The following ZNF423 variants were observed in gnomAD, a reference collection of about 807,000 sequenced individuals.
The protein encoded by ZNF423 is zinc finger protein 423, also known as Ebf-associated zinc finger protein.
In ZNF423, 12 loss-of-function variants were observed where a neutral mutation model predicts 95.8. That is an observed-to-expected ratio of 0.13 (90% CI 0.08 to 0.20). The LOEUF is 0.20. Ranked by LOEUF, ZNF423 falls within the 10% of genes least tolerant of loss-of-function variation. ZNF423 has a pLI of 1.00. For missense variants in ZNF423, 1,316 were observed against 1,737.1 expected, an observed-to-expected ratio of 0.76 and a Z score of 4.31; for synonymous variants, 749 against 711.9, an observed-to-expected ratio of 1.05 and a Z score of -0.83.
chr16:49,738,282 G>A (rs1405017208), intron 2 of ZNF423, among the ~76,000 whole-genome samples: 1 of 152,216 alleles, frequency 6.6e-6, no homozygotes, highest in Non-Finnish European at 1.5e-5. Context: ...GCAAATGAGT[G>A]ATTAGATGAA....
intron 3 of ZNF423, among the ~76,000 whole-genome samples, chr16:49,706,478 C>G (rs1379860575): frequency 6.6e-6 from 1 of 152,226 alleles, no homozygotes; most frequent in Admixed American, 6.5e-5. Flanking sequence ...TTGTGGGGAC[C>G]AGGGCATGCT....
At chr16:49,779,613 G>T (rs2034175767) in intron 2 of ZNF423, among the ~76,000 whole-genome samples, 1 of 152,094 alleles carries the variant, frequency 6.6e-6, no homozygotes, top group Non-Finnish European at 1.5e-5. Flanking sequence ...TCCCCCAAAT[G>T]CATGAGGAGT....
In ZNF423 at chr16:49,637,408, T is replaced by C. The variant is rs889853204; in HGVS notation, c.1768A>G (p.Lys590Glu). ...PIFGSILKLT[K>E]HIKENHKNIP... ...TTCTTGTGGTTCTCCTTGATGTGCT[T>C]GGTGAGTTTCAGGATGGAGCCAAAG... The change falls in exon 4 of 8, where the codon AAG (lysine) becomes GAG (glutamate). Residue 590 changes from lysine (K) to glutamate (E), a missense_variant. Transcript: ENST00000563137. This position sits in a 1 kb window ranked among gnomAD's most constrained non-coding sequence, Gnocchi z 5.6. 1 of 1,614,096 alleles carries C rather than the reference T, an allele frequency of 6.2e-7. No homozygotes were observed. The highest frequency in any genetic ancestry group is 1.3e-5 in the African/African-American group (1 of 75,026).
At chr16:49,744,490 C>G (rs1265236386) in intron 2 of ZNF423, among the ~76,000 whole-genome samples, 1 of 151,792 alleles carries the variant, frequency 6.6e-6, no homozygotes, top group Non-Finnish European at 1.5e-5. Flanking sequence ...CCAGCACACA[C>G]GAGGCCAGGC....
At chr16:49,765,803 A>G (rs1051149436) in intron 2 of ZNF423, among the ~76,000 whole-genome samples, 1 of 152,196 alleles carries the variant, frequency 6.6e-6, no homozygotes, top group African/African-American at 2.4e-5. Context: ...ACATTATGCT[A>G]AGGGAAACAA....
chr16:49,635,677 T>C lies in ZNF423; in HGVS notation c.3499A>G (p.Thr1167Ala). ...ETSGPRKGTQ[T>A]SPVPRKKTYQ... Reference sequence around the variant, plus strand: ...GCACTTACCCGGGGCACTGGCGATGTCTGGGTGCCTTTCCGGGGCCCACTG... The same window carrying C: ...GCACTTACCCGGGGCACTGGCGATGCCTGGGTGCCTTTCCGGGGCCCACTG... Residue 1167 changes from threonine to alanine, a missense_variant, in exon 4 of 8, where the codon ACA becomes GCA. Thr to Ala is a moderately conservative substitution (Grantham distance 58). Coordinates refer to ENST00000563137, the MANE Select transcript of ZNF423 (RefSeq NM_001379286.1). The surrounding 1 kb of genome is among the most constrained non-coding windows in gnomAD (Gnocchi z 4.8). 1 of 1,581,172 alleles carries C rather than the reference T, an allele frequency of 6.3e-7. No individual in the cohort carries two copies. Among genetic ancestry groups the C allele is most frequent in the Non-Finnish European group, 8.6e-7 (1 of 1,165,768 alleles).
intron 7 of ZNF423, chr16:49,518,405 A>C (rs1968242933): frequency 2.3e-6 from 1 of 434,762 alleles, no homozygotes; most frequent in African/African-American, 2.0e-5. Context: ...TTTGTCATTT[A>C]GAAAATTCAC....
At chr16:49,687,204 C>T (rs2031598183) in intron 3 of ZNF423, among the ~76,000 whole-genome samples, 2 of 152,058 alleles carry the variant, frequency 1.3e-5, no homozygotes, top group African/African-American at 4.8e-5. Context: ...CCAAGAGACC[C>T]CTGGCTGGGT....
At chr16:49,858,728 CA>C (rs779402691), upstream of ZNF423, among the ~76,000 whole-genome samples, 26,469 of 139,452 alleles carry the variant, frequency 0.19, 2,913 homozygotes, top group Non-Finnish European at 0.24. The surrounding 1 kb of genome is among the most constrained non-coding windows in gnomAD (Gnocchi z 4.3). Flanking sequence ...CCCCCCCCCC[CA>C]CGCCCCCGCG....
chr16:49,833,324 C>T (rs574746479), intron 1 of ZNF423, among the ~76,000 whole-genome samples: 2 of 152,342 alleles, frequency 1.3e-5, no homozygotes, highest in African/African-American at 2.4e-5. Context: ...CAAAGGCCTA[C>T]GCATGCGCCC....
intron 7 of ZNF423, among the ~76,000 whole-genome samples, chr16:49,513,717 C>T (rs1210728142): frequency 6.6e-6 from 1 of 152,004 alleles, no homozygotes; most frequent in Non-Finnish European, 1.5e-5. Flanking sequence ...CAAAAACTCA[C>T]GTCAGAGTGG....
intron 3 of ZNF423, among the ~76,000 whole-genome samples, chr16:49,659,474 T>G (rs2030082173): frequency 6.6e-6 from 1 of 152,220 alleles, no homozygotes; most frequent in Non-Finnish European, 1.5e-5. Flanking sequence ...ATTGTACACA[T>G]CGGGATACTG....
rs562758689 is a variant in ZNF423 at position 49,790,001 on chromosome 16, T to TC, written c.41-456dup. 2.8e-3 allele frequency among the ~76,000 whole-genome samples: 416 copies of TC among 151,230 alleles called. 3 individuals carry two copies. Among genetic ancestry groups the TC allele is most frequent in the African/African-American group, 8.8e-3 (363 of 41,178 alleles). On this transcript the variant is annotated intron_variant, in intron 1 of 7. Transcript: ENST00000563137. ...TGACAACATCAGAAGGCAACCAGCCTCCCCCCCATTCCACCCAGGACCCCA... is the reference window on the plus strand; with the variant it reads ...TGACAACATCAGAAGGCAACCAGCCTCCCCCCCCATTCCACCCAGGACCCCA...
intron 2 of ZNF423, among the ~76,000 whole-genome samples, chr16:49,772,135 G>A (rs1302040377): frequency 1.3e-5 from 2 of 152,182 alleles, no homozygotes; most frequent in East Asian, 1.9e-4. Context: ...AAATCCCAAG[G>A]CCTGAAACCC....
In ZNF423 at chr16:49,615,719, T is replaced by C. The variant is rs112585097; in HGVS notation, c.3601+10451A>G. Among the ~76,000 whole-genome samples, 753 of 152,200 alleles carry C rather than the reference T, an allele frequency of 4.9e-3. 4 individuals are homozygous for C. Among genetic ancestry groups the C allele is most frequent in the African/African-American group, 0.017 (692 of 41,538 alleles). On this transcript the variant is annotated intron_variant, in intron 5 of 7. Coordinates refer to ENST00000563137, the MANE Select transcript of ZNF423 (RefSeq NM_001379286.1). ...TGGCAGCCTGACCAAGGGGCTCCTC[T>C]AGGCACCAGGAGCATCACCCAGTTA...
intron 3 of ZNF423, among the ~76,000 whole-genome samples, chr16:49,682,033 T>C (rs2031379693): frequency 6.7e-6 from 1 of 148,530 alleles, no homozygotes; most frequent in African/African-American, 2.5e-5. Flanking sequence ...CCCCTCATCC[T>C]TCCTCCATTC....
intron 3 of ZNF423, among the ~76,000 whole-genome samples, chr16:49,687,080 C>T (rs990200682): frequency 1.3e-5 from 2 of 152,016 alleles, no homozygotes; most frequent in African/African-American, 4.8e-5. Flanking sequence ...TGGCAGAGCA[C>T]CCCTATTTCA....
Position 49,491,180 on chromosome 16 carries a change from C to A in ZNF423, c.*95G>T. 1 of 1,491,292 alleles carries A rather than the reference C, an allele frequency of 6.7e-7. No individual in the cohort carries two copies. Among genetic ancestry groups the A allele is most frequent in the Non-Finnish European group, 9.3e-7 (1 of 1,069,680 alleles). The allele number at this position is 1,491,292 out of a possible 1,614,324, so 92.4% of individuals were successfully genotyped here. A position where few individuals can be genotyped will look rare whatever the true frequency, so the allele number is the denominator to read the frequency against. On this transcript the variant is annotated 3_prime_UTR_variant, in exon 8 of 8. Coordinates refer to ENST00000563137, the MANE Select transcript of ZNF423 (RefSeq NM_001379286.1). ...TCATTAGAGTTTTACATCTGGGTTG[C>A]AAATGACACTTTGATTGGATGTAAT... is the stretch of plus-strand genomic sequence containing the variant.
intron 3 of ZNF423, among the ~76,000 whole-genome samples, chr16:49,676,299 T>C (rs557888140): frequency 1.3e-5 from 2 of 152,298 alleles, no homozygotes; most frequent in South Asian, 2.1e-4. Context: ...GGCATGTGGC[T>C]GGAAAATGCA....
Sources: gnomAD v4.1 joint callset for allele counts (sites outside exome capture counted in the v4.1 genomes callset) on GRCh38, gnomAD v4.1.1 for gene constraint, Gnocchi (gnomAD v3.1) non-coding constraint, MANE v1.5 for transcripts, NCBI Gene and HGNC (gene_info 2026-07-23, HGNC 2026-07-21) for gene names.